EPB41L4A: variants seen among roughly 807,000 people sequenced by gnomAD.
EPB41L4A encodes the protein erythrocyte membrane protein band 4.1 like 4A.
EPB41L4A carries 100 observed loss-of-function variants against 108.6 expected under a neutral mutation model. The ratio of observed to expected loss-of-function variants is 0.92; its 90% confidence interval spans 0.78 to 1.09. The LOEUF (loss-of-function observed/expected upper bound fraction) is 1.09. EPB41L4A is among the 50% of genes least tolerant of loss of function. The pLI is 0.00. For missense variants in EPB41L4A, 1,030 were observed against 842.7 expected, an observed-to-expected ratio of 1.22 and a Z score of -2.75; for synonymous variants, 319 against 289.0, an observed-to-expected ratio of 1.10 and a Z score of -1.05.
At chr5:112,243,073 G>A (rs1246016496) in intron 9 of EPB41L4A, among the ~76,000 whole-genome samples, 3 of 152,030 alleles carry the variant, frequency 2.0e-5, no homozygotes, top group Non-Finnish European at 2.9e-5. Flanking sequence ...AATTAGCTGG[G>A]CATGGTGGCA....
At chr5:112,408,671 A>G in intron 1 of EPB41L4A, among the ~76,000 whole-genome samples, 1 of 99,992 alleles carries the variant, frequency 1.0e-5, no homozygotes, top group African/African-American at 3.8e-5. Flanking sequence ...GTGAGACTCC[A>G]TCTCAAAAAA....
chr5:112,339,603 G>A (rs1211398743), intron 1 of EPB41L4A, among the ~76,000 whole-genome samples: 2 of 149,372 alleles, frequency 1.3e-5, no homozygotes, highest in East Asian at 2.0e-4. Flanking sequence ...GCCTGATATC[G>A]GCTCACTGCA....
At chr5:112,336,873 T>C (rs1756955592) in intron 1 of EPB41L4A, among the ~76,000 whole-genome samples, 1 of 152,190 alleles carries the variant, frequency 6.6e-6, no homozygotes, top group Non-Finnish European at 1.5e-5. Flanking sequence ...CTAAAAACAA[T>C]TTCTGATCTC....
chr5:112,231,000 A>G (rs1748876773), intron 12 of EPB41L4A, among the ~76,000 whole-genome samples: 1 of 152,240 alleles, frequency 6.6e-6, no homozygotes, highest in African/African-American at 2.4e-5. Flanking sequence ...ATTTTAACAC[A>G]GCACTATTTA....
chr5:112,161,736 C>T (rs1347935904), downstream of EPB41L4A: 2 of 444,966 alleles, frequency 4.5e-6, no homozygotes, highest in African/African-American at 4.0e-5. Context: ...TAGACTGCTG[C>T]TAGCTGAATA....
rs539696974 is a variant in EPB41L4A at position 112,261,979 on chromosome 5, C to A, written c.642+515G>T. On this transcript the variant is annotated intron_variant, in intron 7 of 22. Transcript: ENST00000261486. Reference sequence around the variant, plus strand: ...TCTCGGCTCACTGCAACCTCTGCCTCCCAGGTGGTTCAAGCCATTCTCCTG... The same window carrying A: ...TCTCGGCTCACTGCAACCTCTGCCTACCAGGTGGTTCAAGCCATTCTCCTG... 2.0e-5 allele frequency among the ~76,000 whole-genome samples: 3 copies of A among 150,740 alleles called. No individual in the cohort carries two copies. The East Asian group carries it at 5.9e-4, about 29-fold the overall frequency.
intron 2 of EPB41L4A, among the ~76,000 whole-genome samples, chr5:112,297,016 C>T (rs949575626): frequency 1.3e-5 from 2 of 151,162 alleles, no homozygotes; most frequent in African/African-American, 4.9e-5. Context: ...CACACACACA[C>T]ACACCACAGT....
chr5:112,388,836 T>C (rs1362296826), intron 1 of EPB41L4A, among the ~76,000 whole-genome samples: 2 of 152,186 alleles, frequency 1.3e-5, no homozygotes, highest in Non-Finnish European at 2.9e-5. Flanking sequence ...GTTGGATAAC[T>C]GGTCTCTGAG....
At chr5:112,326,611 G>A (rs957100611) in intron 1 of EPB41L4A, among the ~76,000 whole-genome samples, 1 of 152,096 alleles carries the variant, frequency 6.6e-6, no homozygotes, top group Non-Finnish European at 1.5e-5. Context: ...GTTCCAGTGC[G>A]CTGCTATTTC....
chr5:112,148,992 T>C (rs1759367492), intron 12 of EPB41L4A, among the ~76,000 whole-genome samples: 1 of 152,236 alleles, frequency 6.6e-6, no homozygotes, highest in African/African-American at 2.4e-5. Flanking sequence ...AAATTCAGAA[T>C]ATTTCATATC....
Position 112,234,921 on chromosome 5 carries a change from A to C in EPB41L4A, c.966-166T>G, listed in dbSNP as rs116802840. Among the ~76,000 whole-genome samples, 1,113 of 152,306 alleles carry C rather than the reference A, an allele frequency of 7.3e-3. 10 individuals are homozygous for C. The highest frequency in any genetic ancestry group is 0.026 in the African/African-American group (1,064 of 41,550). On this transcript the variant is annotated intron_variant, in intron 11 of 22. Coordinates refer to ENST00000261486, the MANE Select transcript of EPB41L4A (RefSeq NM_022140.5). ...AATATTGATCAAGGGAGTGGTTATT[A>C]AATTCTAGGAGGAGATTTACATTAG... is the stretch of plus-strand genomic sequence containing the variant.
At chr5:112,326,523 G>T (rs1756173821) in intron 1 of EPB41L4A, among the ~76,000 whole-genome samples, 1 of 152,140 alleles carries the variant, frequency 6.6e-6, no homozygotes, top group Non-Finnish European at 1.5e-5. Flanking sequence ...AGGAAAGATT[G>T]CTATTAGAAC....
At chr5:112,232,987 G>C (rs1319151302) in intron 12 of EPB41L4A, among the ~76,000 whole-genome samples, 1 of 152,102 alleles carries the variant, frequency 6.6e-6, no homozygotes, top group East Asian at 1.9e-4. Context: ...AATGAGCACT[G>C]AACATGGATT....
At chr5:112,149,123 A>T (rs1370956937) in intron 12 of EPB41L4A, among the ~76,000 whole-genome samples, 1 of 152,196 alleles carries the variant, frequency 6.6e-6, no homozygotes, top group East Asian at 1.9e-4. Flanking sequence ...TTATTATTTT[A>T]AACGAACTAC....
intron 1 of EPB41L4A, among the ~76,000 whole-genome samples, chr5:112,417,482 T>C (rs1023579817): frequency 3.9e-5 from 6 of 152,250 alleles, no homozygotes; most frequent in Non-Finnish European, 8.8e-5. Context: ...ATCTACAATT[T>C]AGGATGTTTT....
chr5:112,154,480 T>C lies in EPB41L4A; in HGVS notation n.994+3921A>G, dbSNP rs548854694. Among the ~76,000 whole-genome samples the C allele has an allele frequency of 2.4e-4, 36 of 152,312 alleles. 1 individual carries two copies. In the South Asian group the frequency reaches 7.2e-3, roughly 31 times the overall value. ...AATGATTTTAAACATTATCTTAAAA[T>C]CAAATGCCCACAATAAAGAGATAGT... On this transcript the variant is annotated intron_variant and non_coding_transcript_variant, in intron 12 of 13. Transcript: ENST00000507810.
rs1298183956 is a variant in EPB41L4A, at chr5:112,162,952, C to CT, written c.*2037dup. The CT allele has an allele frequency of 2.0e-5, 3 of 152,178 alleles. No homozygotes were observed. The highest frequency in any genetic ancestry group is 1.3e-4 in the Admixed American group (2 of 15,276). The allele number at this position is 152,178 out of a possible 1,614,324, so 9.4% of individuals were successfully genotyped here. ...CCCTCTTCAGTGCCCTGTTTTAGAA[C>CT]TGAGTCCTTACTGAGGCTTGTAAGA... On this transcript the variant is annotated 3_prime_UTR_variant, in exon 23 of 23. Coordinates refer to ENST00000261486, the MANE Select transcript of EPB41L4A (RefSeq NM_022140.5).
At position 112,204,458 on chromosome 5, in the gene EPB41L4A, A is replaced by C; in HGVS notation, c.1293T>G (p.Thr431=). 6.2e-7 allele frequency: 1 copy of C among 1,613,674 alleles called. No homozygotes were observed. Among genetic ancestry groups the C allele is most frequent in the South Asian group, 1.1e-5 (1 of 91,068 alleles). ...GCGTGTAAGGGAACTTTGGCGACTT[A>C]GTGCGATCACTGGGAGAATTGTAGA... The part of the protein sequence containing the change: ...SGLYNSPSDR[T]KSPKFPYTRR... Residue 431 remains threonine (T), a synonymous_variant, in exon 15 of 23, where the codon ACT becomes ACG. Transcript: ENST00000261486.
chr5:112,396,757 G>A (rs976663264), intron 1 of EPB41L4A, among the ~76,000 whole-genome samples: 1 of 152,138 alleles, frequency 6.6e-6, no homozygotes, highest in African/African-American at 2.4e-5. Context: ...GAGACAGACA[G>A]AGACACCACC....
Sources: allele counts gnomAD v4.1 joint callset (sites outside exome capture counted in the v4.1 genomes callset), GRCh38; gene constraint gnomAD v4.1.1; transcripts MANE v1.5; gene names NCBI Gene and HGNC (gene_info 2026-07-23, HGNC 2026-07-21).